Variants in SLC35D4 observed in about 807,000 individuals in gnomAD.
SLC35D4 encodes UDP-N-acetylglucosamine transporter SLC35D4.
the SLC35D4 span, among the ~76,000 whole-genome samples, chr18:23,247,208 G>A: frequency 2.0e-5 from 3 of 152,318 alleles, no homozygotes; most frequent in African/African-American, 7.2e-5. Context: ...GCCTCTAAGG[G>A]CCACCATCAG....
At chr18:23,369,746 G>A in the SLC35D4 span, among the ~76,000 whole-genome samples, 3 of 152,176 alleles carry the variant, frequency 2.0e-5, no homozygotes, top group African/African-American at 7.2e-5. Context: ...CAAACAGCAA[G>A]AAGAGGGCCG....
chr18:23,280,648 C>A, the SLC35D4 span, among the ~76,000 whole-genome samples: 4 of 152,304 alleles, frequency 2.6e-5, no homozygotes, highest in African/African-American at 9.6e-5. Flanking sequence ...ACAGTGCTGA[C>A]CACTTTACTC....
chr18:23,332,809 G>A, the SLC35D4 span, among the ~76,000 whole-genome samples: 17 of 150,412 alleles, frequency 1.1e-4, no homozygotes, highest in Non-Finnish European at 3.0e-5. Flanking sequence ...AATAATTCTT[G>A]CAACATTTCT....
the SLC35D4 span, chr18:23,310,253 C>G: frequency 4.1e-6 from 4 of 985,250 alleles, no homozygotes; most frequent in African/African-American, 7.0e-5. Context: ...ATGACACATT[C>G]TAAGAAACCA....
the SLC35D4 span, chr18:23,352,169 G>A: frequency 6.3e-7 from 1 of 1,578,882 alleles, no homozygotes; most frequent in South Asian, 1.2e-5. Context: ...TCTTGAGAGA[G>A]AATTTCCCAC....
the SLC35D4 span, among the ~76,000 whole-genome samples, chr18:23,274,930 CTTGTGTGTGT>C: frequency 6.6e-6 from 1 of 151,812 alleles, no homozygotes. Flanking sequence ...CGAGTGTGTG[CTTGTGTGTGT>C]TTGTGAGTGT....
the SLC35D4 span, among the ~76,000 whole-genome samples, chr18:23,388,759 T>C: frequency 6.6e-6 from 1 of 152,158 alleles, no homozygotes; most frequent in African/African-American, 2.4e-5. Context: ...ATGTCCCCCT[T>C]GCTGTTCTTA....
the SLC35D4 span, among the ~76,000 whole-genome samples, chr18:23,254,616 A>C: frequency 6.6e-6 from 1 of 152,178 alleles, no homozygotes; most frequent in African/African-American, 2.4e-5. Flanking sequence ...TATTTCTCAT[A>C]GTTTTGGAGG....
At chr18:23,395,594 C>A in the SLC35D4 span, among the ~76,000 whole-genome samples, 1 of 152,212 alleles carries the variant, frequency 6.6e-6, no homozygotes, top group South Asian at 2.1e-4. Context: ...ATGGCTTGAG[C>A]CAAATTGCCA....
At chr18:23,275,556 A>G in the SLC35D4 span, among the ~76,000 whole-genome samples, 155 of 150,936 alleles carry the variant, frequency 1.0e-3, no homozygotes, top group South Asian at 3.7e-3. Flanking sequence ...GGAGCGGGAC[A>G]GGTCCTCACA....
the SLC35D4 span, among the ~76,000 whole-genome samples, chr18:23,404,906 A>C: frequency 6.9e-6 from 1 of 145,824 alleles, no homozygotes; most frequent in Non-Finnish European, 1.5e-5. Context: ...GAATTGATTG[A>C]ACCCAGGAGG....
the SLC35D4 span, among the ~76,000 whole-genome samples, chr18:23,273,592 C>T: frequency 6.6e-6 from 1 of 151,164 alleles, no homozygotes; most frequent in Admixed American, 6.6e-5. Flanking sequence ...ATGCAATCGC[C>T]CTGTTCTGTG....
the SLC35D4 span, among the ~76,000 whole-genome samples, chr18:23,354,503 G>A: frequency 2.1e-5 from 3 of 145,908 alleles, no homozygotes; most frequent in Non-Finnish European, 4.5e-5. Flanking sequence ...CTGGGCGACA[G>A]AGCGAGATTC....
the SLC35D4 span, among the ~76,000 whole-genome samples, chr18:23,323,006 C>T: frequency 6.6e-6 from 1 of 152,146 alleles, no homozygotes; most frequent in Non-Finnish European, 1.5e-5. Context: ...AAACTTTTGT[C>T]CTGCTAGCTA....
the SLC35D4 span, among the ~76,000 whole-genome samples, chr18:23,272,046 C>G: frequency 6.6e-6 from 1 of 152,186 alleles, no homozygotes; most frequent in African/African-American, 2.4e-5. Flanking sequence ...GTGAGCTGCT[C>G]TAGCAAATTA....
At chr18:23,368,881 G>A in the SLC35D4 span, 1 of 590,752 alleles carries the variant, frequency 1.7e-6, no homozygotes, top group African/African-American at 1.9e-5. Flanking sequence ...TAAATAGAGG[G>A]AAAAGTATTT....
chr18:23,414,917 T>C, the SLC35D4 span, among the ~76,000 whole-genome samples: 40 of 152,220 alleles, frequency 2.6e-4, no homozygotes, highest in Middle Eastern at 0.014. Context: ...GTTTGAGACC[T>C]ACCTGGGCAA....
the SLC35D4 span, among the ~76,000 whole-genome samples, chr18:23,377,167 A>G: frequency 3.3e-5 from 5 of 152,328 alleles, no homozygotes; most frequent in Non-Finnish European, 7.4e-5. Context: ...GGCCCAGTTT[A>G]CGCTGTAGCT....
At chr18:23,271,929 C>T in the SLC35D4 span, among the ~76,000 whole-genome samples, 1 of 152,164 alleles carries the variant, frequency 6.6e-6, no homozygotes, top group Non-Finnish European at 1.5e-5. Flanking sequence ...GCCCCTTCTC[C>T]CATACTTTGC....
Sources: allele counts gnomAD v4.1 joint callset (sites outside exome capture counted in the v4.1 genomes callset), GRCh38; gene constraint gnomAD v4.1.1; transcripts MANE v1.5; gene names NCBI Gene and HGNC (gene_info 2026-07-23, HGNC 2026-07-21).